CCDC141: variants seen among roughly 807,000 people sequenced by gnomAD.
CCDC141 encodes the protein coiled-coil domain-containing protein 141.
CCDC141 carries 168 observed loss-of-function variants against 181.0 expected under a neutral mutation model. The ratio of observed to expected loss-of-function variants is 0.93; its 90% CI spans 0.82 to 1.05. The LOEUF (loss-of-function observed/expected upper bound fraction) is 1.05. Among genes scored for constraint, CCDC141 ranks in the 50% least tolerant of loss-of-function variants. The pLI is 0.00. For synonymous variants in CCDC141, 666 were observed against 642.3 expected (o/e 1.04, Z -0.56); for missense variants, 1,902 against 1,788.5 (o/e 1.06, Z -1.14).
chr2:178,885,137 A>G, intron 10 of CCDC141, 45 bp from the exon 11 acceptor site: 1 of 1,348,874 alleles, frequency 7.4e-7, no homozygotes, highest in Non-Finnish European at 1.0e-6. Context: ...CAGGGGAATC[A>G]TGAACATTCA....
chr2:178,997,728 C>A (rs1006028679), intron 2 of CCDC141, among the ~76,000 whole-genome samples: 2 of 152,142 alleles, frequency 1.3e-5, no homozygotes, highest in African/African-American at 2.4e-5. Flanking sequence ...GGTGGGAAAA[C>A]CATTGATAAC....
intron 2 of CCDC141, among the ~76,000 whole-genome samples, chr2:178,984,054 G>A (rs1691582617): frequency 6.6e-6 from 1 of 151,916 alleles, no homozygotes; most frequent in Non-Finnish European, 1.5e-5. Flanking sequence ...AATGTTAAGG[G>A]CAGCCAGAGA....
At chr2:178,977,521 G>A (rs78025438) in intron 3 of CCDC141, among the ~76,000 whole-genome samples, 1,548 of 152,166 alleles carry the variant, frequency 0.01, 26 homozygotes, top group African/African-American at 0.036. Flanking sequence ...GTTAAACTTC[G>A]GTGTTCAAAT....
chr2:179,027,221 T>C (rs993718473), intron 2 of CCDC141, among the ~76,000 whole-genome samples: 1 of 152,164 alleles, frequency 6.6e-6, no homozygotes, highest in Non-Finnish European at 1.5e-5. Context: ...TTATCTTGAA[T>C]TGTAACACCC....
At chr2:179,030,726 C>T (rs2042977729) in intron 2 of CCDC141, among the ~76,000 whole-genome samples, 1 of 151,986 alleles carries the variant, frequency 6.6e-6, no homozygotes. Context: ...TACACACATA[C>T]CTATTTTTGA....
At chr2:178,903,703 A>G (rs970853045) in intron 8 of CCDC141, among the ~76,000 whole-genome samples, 13 of 151,896 alleles carry the variant, frequency 8.6e-5, no homozygotes, top group Admixed American at 8.5e-4. Context: ...ACATGCATAC[A>G]TATGTAACTA....
At chr2:179,020,510 T>G (rs2042666227) in intron 2 of CCDC141, among the ~76,000 whole-genome samples, 1 of 152,130 alleles carries the variant, frequency 6.6e-6, no homozygotes, top group African/African-American at 2.4e-5. Context: ...GCAGCAGGCT[T>G]CCATGCTCAG....
intron 2 of CCDC141, among the ~76,000 whole-genome samples, chr2:179,034,895 G>C (rs1391511911): frequency 6.6e-6 from 1 of 152,096 alleles, no homozygotes; most frequent in Non-Finnish European, 1.5e-5. Flanking sequence ...TTATCAATAT[G>C]AAGGATTATA....
intron 6 of CCDC141, among the ~76,000 whole-genome samples, chr2:178,934,551 T>C (rs1689213774): frequency 6.6e-6 from 1 of 152,196 alleles, no homozygotes; most frequent in South Asian, 2.1e-4. Flanking sequence ...TTAAAACAAT[T>C]ACCCAGAGTC....
At position 179,013,258 on chromosome 2, in the gene CCDC141, T is replaced by G. The variant is rs562085635; in HGVS notation, c.225+34026A>C. On this transcript the variant is annotated intron_variant, in intron 2 of 23. Transcript: ENST00000443758. Reference sequence around the variant, plus strand: ...AAAGCTCCTAGAACTGATAAAAGAATGCAGCAAAGTTTCCAGATACAAGAT... The same window carrying G: ...AAAGCTCCTAGAACTGATAAAAGAAGGCAGCAAAGTTTCCAGATACAAGAT... 2.0e-5 allele frequency among the ~76,000 whole-genome samples: 3 copies of G among 152,274 alleles called. No individual in the cohort carries two copies. In the South Asian group the frequency reaches 6.2e-4, roughly 32 times the overall value.
chr2:178,861,121 T>C (rs567888061), intron 17 of CCDC141, among the ~76,000 whole-genome samples: 53 of 151,836 alleles, frequency 3.5e-4, no homozygotes, highest in South Asian at 8.4e-4. Flanking sequence ...TGAAGTCCCA[T>C]GGGTTTTAAT....
intron 21 of CCDC141, among the ~76,000 whole-genome samples, chr2:178,847,366 CA>C (rs1329681566): frequency 1.3e-5 from 2 of 151,904 alleles, no homozygotes; most frequent in Non-Finnish European, 2.9e-5. Flanking sequence ...CTCAACTTTA[CA>C]AAAAAATCAA....
chr2:179,012,006 T>A (rs2042283484), intron 2 of CCDC141, among the ~76,000 whole-genome samples: 1 of 152,050 alleles, frequency 6.6e-6, no homozygotes, highest in Non-Finnish European at 1.5e-5. Context: ...TCTAAACACC[T>A]ACATCAAAAA....
In CCDC141 at chr2:178,888,583, C is replaced by T. The variant is rs1686998792; in HGVS notation, c.1351G>A (p.Glu451Lys). The T allele has an allele frequency of 1.9e-6, 3 of 1,550,606 alleles. No homozygotes were observed. The highest frequency in any genetic ancestry group is 4.9e-5 in the East Asian group (2 of 40,922). ...AGTTGTTGTTTCTTAAGAGCATATT[C>T]CTTGTGCGCTGAACACTGTTCGGTC... The part of the protein sequence containing the change: ...HLTEQCSAHK[E>K]YALKKQQLTA... Residue 451 changes from glutamate to lysine, a missense_variant, in exon 9 of 24, where the codon GAA becomes AAA. By Grantham distance (56) the Glu-to-Lys change is moderately conservative. Coordinates refer to ENST00000443758, the MANE Select transcript of CCDC141 (RefSeq NM_173648.4).
Position 178,871,631 on chromosome 2 carries a change from G to A in CCDC141, c.2080-79C>T, listed in dbSNP as rs182672108. ...ATTTGATCATTCTAGGTATGACGCA[G>A]AGTGTGATCAAATTTTTCAAACCCC... On this transcript the variant is annotated intron_variant, in intron 13 of 23. Transcript: ENST00000443758. 134 of 1,489,636 alleles carry A rather than the reference G, an allele frequency of 9.0e-5. No homozygotes were observed. The African/African-American group carries it at 1.6e-3, about 18-fold the overall frequency. The allele number at this position is 1,489,636 out of a possible 1,614,324, so 92.3% of individuals were successfully genotyped here.
intron 9 of CCDC141, among the ~76,000 whole-genome samples, chr2:178,887,471 G>T (rs930137588): frequency 6.6e-6 from 1 of 152,090 alleles, no homozygotes; most frequent in Non-Finnish European, 1.5e-5. Flanking sequence ...TACATGCTTT[G>T]TCCCCTCGCT....
intron 2 of CCDC141, among the ~76,000 whole-genome samples, chr2:178,999,379 C>CAG (rs1323765451): frequency 3.3e-5 from 5 of 152,124 alleles, no homozygotes; most frequent in African/African-American, 1.2e-4. Context: ...CCCCATACCT[C>CAG]AGTTTCGTCT....
At chr2:178,944,693 C>A in intron 5 of CCDC141, 42 bp from the exon 6 acceptor site, 1 of 922,584 alleles carries the variant, frequency 1.1e-6, no homozygotes, top group South Asian at 1.8e-5. Flanking sequence ...TTCAAATGAT[C>A]AGAATAAGTG....
rs150921574 is a variant in CCDC141, at chr2:178,921,509, A to G, written c.898-2602T>C. Reference sequence around the variant, plus strand: ...TTAGTGTTAAGTATTGAACAGTCTTATGAGATGAAACAAAGTAAAACAGGT... The same window carrying G: ...TTAGTGTTAAGTATTGAACAGTCTTGTGAGATGAAACAAAGTAAAACAGGT... On this transcript the variant is annotated intron_variant, in intron 6 of 23. Coordinates refer to ENST00000443758, the MANE Select transcript of CCDC141 (RefSeq NM_173648.4). Among the ~76,000 whole-genome samples the G allele has an allele frequency of 3.2e-4, 49 of 152,302 alleles. No individual in the cohort carries two copies. The East Asian group carries it at 9.3e-3, about 29-fold the overall frequency.
Sources: allele counts gnomAD v4.1 joint callset (sites outside exome capture counted in the v4.1 genomes callset), GRCh38; gene constraint gnomAD v4.1.1; transcripts MANE v1.5; gene names NCBI Gene and HGNC (gene_info 2026-07-23, HGNC 2026-07-21).